Variants in HTR2C observed in about 807,000 individuals in gnomAD.
The protein encoded by HTR2C is 5-hydroxytryptamine (serotonin) receptor 2C, G protein-coupled.
HTR2C carries 5 observed loss-of-function variants against 21.0 expected under a neutral mutation model. That is an observed-to-expected ratio of 0.24 (90% confidence interval 0.12 to 0.50). HTR2C has a LOEUF of 0.50. Among genes scored for constraint, HTR2C ranks in the 20% least tolerant of loss-of-function variants. The probability of loss-of-function intolerance (pLI) is 0.98; values close to 1 mark genes in which losing one functional copy is unlikely to be tolerated. For missense variants in HTR2C, 271 were observed against 371.2 expected (o/e 0.73, Z 2.22); for synonymous variants, 150 against 145.3 (o/e 1.03, Z -0.23).
At chrX:114,660,528 A>C (rs1035676954) in intron 2 of HTR2C, among the ~76,000 whole-genome samples, 1 of 112,629 alleles carries the variant, frequency 8.9e-6, no homozygotes. Context: ...TTACACGATT[A>C]TCTCTAAATG....
intron 2 of HTR2C, among the ~76,000 whole-genome samples, chrX:114,638,275 C>T (rs192818606): frequency 1.8e-5 from 2 of 111,202 alleles, no homozygotes; most frequent in East Asian, 5.7e-4. Flanking sequence ...TGTGGAAATT[C>T]ATAATTTAGA....
At chrX:114,850,268 G>A (rs2070906133) in intron 5 of HTR2C, among the ~76,000 whole-genome samples, 1 of 109,871 alleles carries the variant, frequency 9.1e-6, no homozygotes, top group African/African-American at 3.3e-5. Context: ...AATTAGCCAG[G>A]TATGGTAGCA....
chrX:114,717,511 C>G (rs781942249), intron 2 of HTR2C: 48 of 111,648 alleles, frequency 4.3e-4, no homozygotes, highest in Non-Finnish European at 6.0e-4. Flanking sequence ...AATCTAGACT[C>G]TCCAATTTTT....
At chrX:114,698,470 ACACAAACAC>A (rs1932354043) in intron 2 of HTR2C, among the ~76,000 whole-genome samples, 22 of 26,715 alleles carry the variant, frequency 8.2e-4, no homozygotes, top group East Asian at 4.9e-3. Flanking sequence ...ACACACACAC[ACACAAACAC>A]GCACACACAC....
chrX:114,816,266 TGATAGATA>T (rs10526392), intron 4 of HTR2C, among the ~76,000 whole-genome samples: 2 of 102,881 alleles, frequency 1.9e-5, no homozygotes, highest in Non-Finnish European at 3.9e-5. Flanking sequence ...GATAGATAGA[TGATAGATA>T]GATAGATAGA....
chrX:114,858,752 T>C (rs782257274), intron 5 of HTR2C, among the ~76,000 whole-genome samples: 1 of 110,649 alleles, frequency 9.0e-6, no homozygotes, highest in South Asian at 3.8e-4. Flanking sequence ...GTAGTAGACA[T>C]CTTTTTTTTT....
intron 2 of HTR2C, among the ~76,000 whole-genome samples, chrX:114,632,562 A>G (rs1332559740): frequency 1.8e-5 from 2 of 112,138 alleles, no homozygotes; most frequent in African/African-American, 6.5e-5. Context: ...CTTTCCTGAC[A>G]ATTGGCAAGG....
intron 2 of HTR2C, among the ~76,000 whole-genome samples, chrX:114,699,128 TC>T (rs2147306148): frequency 2.8e-5 from 1 of 36,167 alleles, no homozygotes; most frequent in South Asian, 2.5e-3. Context: ...TTTAATGTCC[TC>T]CAAATTTTCT....
At chrX:114,759,305 G>A (rs1220132068) in intron 4 of HTR2C, among the ~76,000 whole-genome samples, 1 of 110,574 alleles carries the variant, frequency 9.0e-6, no homozygotes, top group Non-Finnish European at 1.9e-5. Context: ...GATTGGTCTG[G>A]TAACTTACTA....
At chrX:114,866,172 A>G (rs1321412757) in intron 5 of HTR2C, among the ~76,000 whole-genome samples, 1 of 111,294 alleles carries the variant, frequency 9.0e-6, no homozygotes, top group Non-Finnish European at 1.9e-5. Flanking sequence ...AAATTTCTTA[A>G]TAGTCTCTAT....
intron 4 of HTR2C, among the ~76,000 whole-genome samples, chrX:114,808,449 A>G (rs2070500232): frequency 1.8e-5 from 2 of 111,690 alleles, no homozygotes; most frequent in South Asian, 7.4e-4. Flanking sequence ...TATCTCTTCG[A>G]TATACTGATT....
At chrX:114,830,146 C>A (rs782576940) in intron 4 of HTR2C, among the ~76,000 whole-genome samples, 2 of 111,391 alleles carry the variant, frequency 1.8e-5, no homozygotes, top group African/African-American at 6.5e-5. Context: ...CTGCAGAGCT[C>A]CTGGTGTATA....
intron 2 of HTR2C, among the ~76,000 whole-genome samples, chrX:114,720,730 T>C (rs1462584618): frequency 1.4e-4 from 4 of 28,245 alleles, no homozygotes; most frequent in Non-Finnish European, 2.0e-4. Context: ...TGTGATCTCA[T>C]TGTTCAATTC....
chrX:114,627,089 G>A (rs1556403047), intron 2 of HTR2C, among the ~76,000 whole-genome samples: 1 of 111,433 alleles, frequency 9.0e-6, no homozygotes, highest in African/African-American at 3.3e-5. Flanking sequence ...CATTAAGTGG[G>A]CATTAGAACC....
chrX:114,842,645 A>G (rs1251800347), intron 4 of HTR2C, among the ~76,000 whole-genome samples: 1 of 111,892 alleles, frequency 8.9e-6, no homozygotes, highest in Non-Finnish European at 1.9e-5. Context: ...GAAAGACACT[A>G]TTCTTCCACC....
chrX:114,606,980 G>T (rs191366204), intron 1 of HTR2C, among the ~76,000 whole-genome samples: 3 of 107,992 alleles, frequency 2.8e-5, no homozygotes, highest in African/African-American at 7.0e-5. Flanking sequence ...GTTCTCTGGC[G>T]GGCAGGAGTG....
In HTR2C at chrX:114,807,416, T is replaced by TATATA. The variant is rs2070483511; in HGVS notation, c.350-40587_350-40586insATATA. On this transcript the variant is annotated intron_variant, in intron 4 of 5. Coordinates refer to ENST00000276198, the MANE Select transcript of HTR2C (RefSeq NM_000868.4). ...ATCTATACCATATATATACGCCATA[T>TATATA]CTATACCATATATATACGCCATATA... Among the ~76,000 whole-genome samples the TATATA allele has an allele frequency of 2.1e-5, 2 of 97,431 alleles. 1 individual carries two copies. The highest frequency in any genetic ancestry group is 2.4e-4 in the Admixed American group (2 of 8,215). The allele number at this position is 97,431 out of a possible 115,157, so 84.6% of individuals were successfully genotyped here.
At chrX:114,635,391 A>G in intron 2 of HTR2C, among the ~76,000 whole-genome samples, 1 of 112,004 alleles carries the variant, frequency 8.9e-6, no homozygotes, top group Middle Eastern at 4.6e-3. Context: ...GCATGAAGTC[A>G]CATAGTTATG....
intron 1 of HTR2C, among the ~76,000 whole-genome samples, chrX:114,612,004 T>C (rs926829921): frequency 6.3e-5 from 7 of 110,331 alleles, no homozygotes; most frequent in African/African-American, 2.3e-4. Flanking sequence ...GCCCAAAGTT[T>C]TAATCCAAGT....
Sources: gnomAD v4.1 joint callset for allele counts (sites outside exome capture counted in the v4.1 genomes callset) on GRCh38, gnomAD v4.1.1 for gene constraint, MANE v1.5 for transcripts, NCBI Gene and HGNC (gene_info 2026-07-23, HGNC 2026-07-21) for gene names.